The following TENM4 variants were observed in gnomAD, a reference collection of about 807,000 sequenced individuals.
TENM4 encodes teneurin transmembrane protein 4, also known as teneurin-4.
TENM4 carries 82 observed loss-of-function variants against 243.3 expected under a neutral mutation model. The observed-to-expected ratio is 0.34, with a 90% CI of 0.28 to 0.40. The LOEUF (loss-of-function observed/expected upper bound fraction) is 0.40. Ranked by LOEUF, TENM4 falls within the 10% of genes least tolerant of loss-of-function variation. The pLI, the probability that TENM4 is intolerant of heterozygous loss-of-function variation, is 1.00. For missense variants in TENM4, 3,138 were observed against 3,673.3 expected, an observed-to-expected ratio of 0.85 and a Z score of 3.77; for synonymous variants, 1,412 against 1,456.3, an observed-to-expected ratio of 0.97 and a Z score of 0.69.
At chr11:78,963,958 C>T (rs1236028047) in intron 6 of TENM4, among the ~76,000 whole-genome samples, 6 of 150,186 alleles carry the variant, frequency 4.0e-5, no homozygotes, top group Admixed American at 1.3e-4. Context: ...AGGCTGGTCT[C>T]GAACTCCTGA....
Position 78,672,170 on chromosome 11 carries a change from T to G in TENM4, c.5656A>C (p.Thr1886Pro). Reference protein sequence around the residue: ...PSSRLNGVNVTYSPGGYIAGI... With the variant: ...PSSRLNGVNVPYSPGGYIAGI... ...GCAATGTAACCCCCAGGGGAGTATG[T>G]CACGTTGACACCATTCAGCCTGCTG... The change falls in exon 31 of 34, where the codon ACA becomes CCA. Residue 1886 changes from threonine to proline, a missense_variant. Physicochemically the swap from Thr to Pro is conservative, Grantham distance 38. Coordinates refer to ENST00000278550, the MANE Select transcript of TENM4 (RefSeq NM_001098816.3). 6.2e-7 allele frequency: 1 copy of G among 1,613,886 alleles called. No individual in the cohort carries two copies. The highest frequency in any genetic ancestry group is 8.5e-7 in the Non-Finnish European group (1 of 1,179,858).
At chr11:78,977,562 C>T (rs1440072625) in intron 6 of TENM4, among the ~76,000 whole-genome samples, 1 of 152,218 alleles carries the variant, frequency 6.6e-6, no homozygotes, top group African/African-American at 2.4e-5. Context: ...CTAGCCTACA[C>T]AGGTTCTCCT....
intron 1 of TENM4, among the ~76,000 whole-genome samples, chr11:79,313,138 G>C (rs1447125590): frequency 6.6e-6 from 1 of 152,162 alleles, no homozygotes; most frequent in Non-Finnish European, 1.5e-5. Flanking sequence ...ATTACTCTAA[G>C]ACCCATTTTC....
chr11:78,695,523 C>T (rs1442084668), intron 28 of TENM4, among the ~76,000 whole-genome samples: 1 of 152,076 alleles, frequency 6.6e-6, no homozygotes, highest in Non-Finnish European at 1.5e-5. Context: ...ACCACCATGC[C>T]CAGCTAATTT....
In TENM4 at chr11:79,364,928, T is replaced by C. The variant is rs114451939; in HGVS notation, c.-320-67385A>G. Among the ~76,000 whole-genome samples, 570 of 152,342 alleles carry C rather than the reference T, an allele frequency of 3.7e-3. 2 individuals carry two copies. Among genetic ancestry groups the C allele is most frequent in the African/African-American group, 0.011 (439 of 41,586 alleles). On this transcript the variant is annotated intron_variant, in intron 1 of 33. Transcript: ENST00000278550. ...CTAGAGGAATTTACAGTACAACAGATACATTGCTTTTTCTTTAAAATTTAG... is the reference window on the plus strand; with the variant it reads ...CTAGAGGAATTTACAGTACAACAGACACATTGCTTTTTCTTTAAAATTTAG...
chr11:79,342,462 AT>A (rs1857257827), intron 1 of TENM4, among the ~76,000 whole-genome samples: 1 of 152,050 alleles, frequency 6.6e-6, no homozygotes, highest in Non-Finnish European at 1.5e-5. Flanking sequence ...GGTGGGAGGG[AT>A]GGTGGCTGGG....
chr11:78,687,422 C>T (rs1858712346), intron 29 of TENM4, among the ~76,000 whole-genome samples: 1 of 152,198 alleles, frequency 6.6e-6, no homozygotes, highest in Non-Finnish European at 1.5e-5. Context: ...AGAGCTTTCC[C>T]TGGTGATGGC....
rs184677805 is a variant in TENM4, at chr11:79,175,442, A to G, written c.-162-26636T>C. Among the ~76,000 whole-genome samples, 56 of 152,344 alleles carry G rather than the reference A, an allele frequency of 3.7e-4. 1 individual carries two copies. Among genetic ancestry groups the G allele is most frequent in the African/African-American group, 1.1e-3 (47 of 41,572 alleles). ...AATAAATAAAAGGAGGAAACAATCTAAATGTCTAACAGCTAGAGAAATGGG... is the reference window on the plus strand; with the variant it reads ...AATAAATAAAAGGAGGAAACAATCTGAATGTCTAACAGCTAGAGAAATGGG... On this transcript the variant is annotated intron_variant, in intron 3 of 33. Coordinates refer to ENST00000278550, the MANE Select transcript of TENM4 (RefSeq NM_001098816.3).
chr11:78,856,756 G>A (rs1858690715), intron 10 of TENM4, among the ~76,000 whole-genome samples: 1 of 152,120 alleles, frequency 6.6e-6, no homozygotes, highest in Admixed American at 6.5e-5. Flanking sequence ...GGGAAGATGA[G>A]GAAAAGGTAC....
At chr11:79,091,462 A>T (rs1393162029) in intron 4 of TENM4, among the ~76,000 whole-genome samples, 1 of 152,196 alleles carries the variant, frequency 6.6e-6, no homozygotes, top group Non-Finnish European at 1.5e-5. Context: ...CTGCGGAGGA[A>T]GCTTCTTTGC....
intron 24 of TENM4, among the ~76,000 whole-genome samples, chr11:78,721,600 C>T (rs1346759747): frequency 6.6e-6 from 1 of 152,180 alleles, no homozygotes; most frequent in Non-Finnish European, 1.5e-5. Flanking sequence ...ATTCCCTAAG[C>T]CTCCATCTTT....
chr11:78,813,735 G>T (rs1857547985), intron 13 of TENM4, among the ~76,000 whole-genome samples: 1 of 152,150 alleles, frequency 6.6e-6, no homozygotes, highest in South Asian at 2.1e-4. Context: ...TCTCCACAAT[G>T]TTTATCATGG....
rs540424252 is a variant in TENM4, at chr11:78,925,107, T to C, written c.494-21584A>G. Among the ~76,000 whole-genome samples, 7 of 152,378 alleles carry C rather than the reference T, an allele frequency of 4.6e-5. No homozygotes were observed. The East Asian group carries it at 1.3e-3, about 29-fold the overall frequency. ...ACCTTCTAAATCTTAATTCTTATCC[T>C]GTATTCTAACTCTGATCTCTTGACA... On this transcript the variant is annotated intron_variant, in intron 6 of 33. Transcript: ENST00000278550.
At chr11:79,065,054 C>A in intron 5 of TENM4, 47 bp from the exon 6 acceptor site, 1 of 1,437,570 alleles carries the variant, frequency 7.0e-7, no homozygotes, top group South Asian at 1.5e-5. Flanking sequence ...GAGATGAGGT[C>A]TGCGTCTGCC....
At chr11:78,769,066 G>A (rs1467180604) in intron 18 of TENM4, among the ~76,000 whole-genome samples, 2 of 152,220 alleles carry the variant, frequency 1.3e-5, no homozygotes, top group Non-Finnish European at 2.9e-5. Flanking sequence ...ATGTTCAACA[G>A]CTGTTTAAAG....
chr11:79,292,670 A>G (rs1318119050), intron 2 of TENM4, among the ~76,000 whole-genome samples: 1 of 152,242 alleles, frequency 6.6e-6, no homozygotes, highest in Non-Finnish European at 1.5e-5. Context: ...AGGCCAGTAT[A>G]TCTGGGTGAG....
intron 9 of TENM4, among the ~76,000 whole-genome samples, chr11:78,887,669 T>A (rs1855576573): frequency 6.6e-6 from 1 of 152,222 alleles, no homozygotes; most frequent in Non-Finnish European, 1.5e-5. Context: ...CTGAGCTCTA[T>A]CTGTATCCTT....
chr11:78,832,280 C>G (rs1445348093), intron 12 of TENM4, among the ~76,000 whole-genome samples: 3 of 152,196 alleles, frequency 2.0e-5, no homozygotes, highest in Non-Finnish European at 4.4e-5. Flanking sequence ...TCAAAATTCC[C>G]TTGACAATTC....
chr11:78,752,421 C>T (rs956644407), intron 19 of TENM4, among the ~76,000 whole-genome samples: 2 of 152,216 alleles, frequency 1.3e-5, no homozygotes, highest in African/African-American at 4.8e-5. Context: ...CCCAGTGTGC[C>T]TCATACTTGA....
Sources: gnomAD v4.1 joint callset for allele counts (sites outside exome capture counted in the v4.1 genomes callset) on GRCh38, gnomAD v4.1.1 for gene constraint, MANE v1.5 for transcripts, NCBI Gene and HGNC (gene_info 2026-07-23, HGNC 2026-07-21) for gene names.